The following PRSS12 variants were observed in gnomAD, a reference collection of about 807,000 sequenced individuals.
PRSS12 encodes serine protease 12, also known as neurotrypsin.
Under a neutral mutation model 104.4 loss-of-function variants are expected in PRSS12, and 85 were observed. The observed-to-expected ratio is 0.81, with a 90% confidence interval of 0.68 to 0.98. The LOEUF (loss-of-function observed/expected upper bound fraction) is 0.98. Among genes scored for constraint, PRSS12 ranks in the 50% least tolerant of loss-of-function variants. The pLI, the probability that PRSS12 is intolerant of heterozygous loss-of-function variation, is 0.00. For missense variants in PRSS12, 1,141 were observed against 1,139.2 expected, an observed-to-expected ratio of 1.00 and a Z score of -0.02; for synonymous variants, 454 against 425.2, an observed-to-expected ratio of 1.07 and a Z score of -0.83.
At chr4:118,316,454 A>G in intron 5 of PRSS12, 131 bp from the exon 6 acceptor site, 2 of 1,118,996 alleles carry the variant, frequency 1.8e-6, no homozygotes, top group East Asian at 2.5e-5. Flanking sequence ...CTTACATTAC[A>G]TCTGTGCTAA....
At chr4:118,345,770 T>C (rs1724339951) in intron 1 of PRSS12, among the ~76,000 whole-genome samples, 1 of 152,188 alleles carries the variant, frequency 6.6e-6, no homozygotes, top group African/African-American at 2.4e-5. Flanking sequence ...TTTACAGCAC[T>C]TTATAAATTA....
At chr4:118,307,437 T>C (rs1411170061) in intron 8 of PRSS12, among the ~76,000 whole-genome samples, 3 of 152,204 alleles carry the variant, frequency 2.0e-5, no homozygotes, top group South Asian at 2.1e-4. Flanking sequence ...AACACAGATA[T>C]ATAATTAAGG....
chr4:118,323,871 A>ATG lies in PRSS12; in HGVS notation c.972-5317_972-5316dup, dbSNP rs113327232. 5.4e-4 allele frequency among the ~76,000 whole-genome samples: 81 copies of ATG among 151,190 alleles called. 1 individual carries two copies. In the Middle Eastern group the frequency reaches 0.01, roughly 19 times the overall value. The stretch of plus-strand genomic sequence containing the variant: ...TCAGTTACAGTTTACTTATATAAAT[A>ATG]TGTGTGTGTGTGTGTATATATATCT... On this transcript the variant is annotated intron_variant, in intron 4 of 12. Transcript: ENST00000296498.
chr4:118,322,272 G>A (rs553331296), intron 4 of PRSS12, among the ~76,000 whole-genome samples: 5 of 152,216 alleles, frequency 3.3e-5, no homozygotes, highest in Admixed American at 2.0e-4. Context: ...ACTATAGGCT[G>A]GGCGCCGTGG....
intron 9 of PRSS12, among the ~76,000 whole-genome samples, chr4:118,296,481 T>A (rs1437118969): frequency 6.6e-6 from 1 of 152,080 alleles, no homozygotes; most frequent in Non-Finnish European, 1.5e-5. Flanking sequence ...TAAAAATATA[T>A]AAAAAGGTGG....
chr4:118,288,393 G>A (rs557041541), intron 11 of PRSS12, among the ~76,000 whole-genome samples: 53 of 152,308 alleles, frequency 3.5e-4, no homozygotes, highest in African/African-American at 1.2e-3. Context: ...ACTATGTCAT[G>A]ATGAAACATA....
chr4:118,317,601 G>A (rs183045523), intron 5 of PRSS12, among the ~76,000 whole-genome samples: 13 of 152,184 alleles, frequency 8.5e-5, no homozygotes, highest in South Asian at 2.1e-4. Context: ...AAAATCTGGC[G>A]TAAATACATT....
chr4:118,291,965 G>A (rs1743138357), intron 11 of PRSS12, among the ~76,000 whole-genome samples: 1 of 152,014 alleles, frequency 6.6e-6, no homozygotes, highest in African/African-American at 2.4e-5. Flanking sequence ...CCAGGTGAGG[G>A]GAGGGAACTT....
intron 8 of PRSS12, among the ~76,000 whole-genome samples, chr4:118,300,974 T>C (rs955050343): frequency 2.0e-5 from 3 of 152,096 alleles, no homozygotes; most frequent in African/African-American, 7.2e-5. Flanking sequence ...TCCTTATACA[T>C]AAATCTTTGT....
chr4:118,293,178 A>C (rs534096181), intron 11 of PRSS12, among the ~76,000 whole-genome samples: 1 of 152,128 alleles, frequency 6.6e-6, no homozygotes, highest in African/African-American at 2.4e-5. Context: ...ATGACAGCAT[A>C]ATCAGTGGGT....
chr4:118,300,033 C>T (rs1322763413), intron 8 of PRSS12, among the ~76,000 whole-genome samples: 2 of 149,728 alleles, frequency 1.3e-5, no homozygotes, highest in East Asian at 2.0e-4. Flanking sequence ...TTTTTTAAGA[C>T]ACAGTCTCAC....
intron 9 of PRSS12, among the ~76,000 whole-genome samples, chr4:118,298,277 T>A (rs1743301108): frequency 6.6e-6 from 1 of 152,132 alleles, no homozygotes; most frequent in Non-Finnish European, 1.5e-5. Flanking sequence ...GAGAATAAAA[T>A]CTACAAAACA....
In PRSS12 at chr4:118,352,757, G is replaced by A. The variant is rs149766370; in HGVS notation, c.-37C>T. 13 of 1,609,708 alleles carry A rather than the reference G, an allele frequency of 8.1e-6. No individual in the cohort carries two copies. Among genetic ancestry groups the A allele is most frequent in the Non-Finnish European group, 1.1e-5 (13 of 1,178,318 alleles). On this transcript the variant is annotated 5_prime_UTR_variant, in exon 1 of 13. Transcript: ENST00000296498. ...TGCGGGGTCTGGTCCATGCTCCCCA[G>A]CTTCTCGGGCTTGGAGCGGAGAAGA...
Position 118,282,201 on chromosome 4 carries a change from A to G in PRSS12, c.2363T>C (p.Leu788Ser). 6.2e-7 allele frequency: 1 copy of G among 1,614,232 alleles called. No homozygotes were observed. The highest frequency in any genetic ancestry group is 8.5e-7 in the Non-Finnish European group (1 of 1,180,042). The change falls in exon 13 of 13, where the codon TTA (leucine) becomes TCA (serine). Residue 788 changes from leucine to serine, a missense_variant. Leu to Ser is a moderately radical substitution (Grantham distance 145). Transcript: ENST00000296498. ...TTCTTCACAAAACCTTTTAGGAAGT[A>G]AGGGAATGGCTGCTTGTTGTAGTGT... is the stretch of plus-strand genomic sequence containing the variant. ...SRTLQQAAIP[L>S]LPKRFCEERY...
chr4:118,328,037 TAAGAA>T, intron 4 of PRSS12, among the ~76,000 whole-genome samples: 1 of 152,180 alleles, frequency 6.6e-6, no homozygotes, highest in Non-Finnish European at 1.5e-5. Context: ...GAAATTTGCT[TAAGAA>T]TGAATCATAA....
At chr4:118,345,645 G>A (rs1037551206) in intron 1 of PRSS12, among the ~76,000 whole-genome samples, 7 of 151,936 alleles carry the variant, frequency 4.6e-5, no homozygotes, top group African/African-American at 1.2e-4. Flanking sequence ...ATATAAATGC[G>A]TCATAATATT....
At chr4:118,300,825 G>A (rs1743389777) in intron 8 of PRSS12, among the ~76,000 whole-genome samples, 1 of 152,034 alleles carries the variant, frequency 6.6e-6, no homozygotes, top group South Asian at 2.1e-4. Flanking sequence ...TAAAAAATAA[G>A]TAATCTGTTT....
intron 1 of PRSS12, among the ~76,000 whole-genome samples, chr4:118,344,199 C>T (rs1296475759): frequency 3.3e-5 from 5 of 152,068 alleles, no homozygotes; most frequent in African/African-American, 9.7e-5. Context: ...ATTTAGTACA[C>T]ATATTTGACA....
intron 4 of PRSS12, 89 bp from the exon 5 acceptor site, chr4:118,318,645 A>G: frequency 7.8e-7 from 1 of 1,274,162 alleles, no homozygotes; most frequent in South Asian, 1.3e-5. Flanking sequence ...AAGCATTATT[A>G]TTAATCCCCA....
Sources: gnomAD v4.1 joint callset for allele counts (sites outside exome capture counted in the v4.1 genomes callset) on GRCh38, gnomAD v4.1.1 for gene constraint, MANE v1.5 for transcripts, NCBI Gene and HGNC (gene_info 2026-07-23, HGNC 2026-07-21) for gene names.